Variants in NAALADL2 observed in about 807,000 individuals in gnomAD.
The protein encoded by NAALADL2 is N-acetylated alpha-linked acidic dipeptidase like 2, also known as inactive N-acetylated-alpha-linked acidic dipeptidase-like protein 2.
Under a neutral mutation model 87.2 loss-of-function variants are expected in NAALADL2, and 76 were observed. That is an observed-to-expected ratio of 0.87 (90% CI 0.72 to 1.05). The LOEUF (loss-of-function observed/expected upper bound fraction) is 1.05, where lower values mean the gene tolerates loss of function less well. Among genes scored for constraint, NAALADL2 ranks in the 50% least tolerant of loss-of-function variants. The pLI is 0.00. For synonymous variants in NAALADL2, 354 were observed against 331.0 expected, an observed-to-expected ratio of 1.07 and a Z score of -0.75; for missense variants, 1,089 against 945.8, an observed-to-expected ratio of 1.15 and a Z score of -1.99.
intron 3 of NAALADL2, among the ~76,000 whole-genome samples, chr3:174,787,899 T>C (rs1045160148): frequency 2.0e-5 from 3 of 151,748 alleles, no homozygotes; most frequent in Non-Finnish European, 4.4e-5. Flanking sequence ...ACTCCAGCTC[T>C]GAGTGACAGA....
chr3:175,785,424 C>A (rs1416308709), intron 13 of NAALADL2, among the ~76,000 whole-genome samples: 1 of 131,574 alleles, frequency 7.6e-6, no homozygotes, highest in Non-Finnish European at 1.6e-5. Flanking sequence ...ATAGTTAGCT[C>A]TTCTTGTTGA....
chr3:175,540,576 A>C (rs745918599), intron 9 of NAALADL2, among the ~76,000 whole-genome samples: 5 of 152,114 alleles, frequency 3.3e-5, no homozygotes, highest in African/African-American at 1.2e-4. Context: ...GGGTGAGGCT[A>C]TGAAGCTCTG....
intron 1 of NAALADL2, among the ~76,000 whole-genome samples, chr3:174,926,086 C>A (rs1437899416): frequency 1.3e-5 from 2 of 152,084 alleles, no homozygotes; most frequent in East Asian, 3.9e-4. Context: ...CCGATTCAAT[C>A]AAGTGGAAGA....
At chr3:174,922,034 A>G (rs1186734078) in intron 1 of NAALADL2, among the ~76,000 whole-genome samples, 1 of 152,018 alleles carries the variant, frequency 6.6e-6, no homozygotes, top group East Asian at 1.9e-4. Context: ...AATATAAACT[A>G]TTTTGGCTCA....
chr3:175,115,762 G>A (rs1042244452), intron 2 of NAALADL2, among the ~76,000 whole-genome samples: 3 of 151,514 alleles, frequency 2.0e-5, no homozygotes, highest in African/African-American at 7.3e-5. Context: ...CATCAGATGA[G>A]ATCGAGCGCA....
In NAALADL2 at chr3:175,589,464, CCT is replaced by C. The variant is rs1452058177; in HGVS notation, c.1800+13280_1800+13281del. On this transcript the variant is annotated intron_variant, in intron 10 of 13. Coordinates refer to ENST00000454872, the MANE Select transcript of NAALADL2 (RefSeq NM_207015.3). ...TCCTTTCTTCCTTCCTTTCTTCTTTCCTCTGTTTCTTCTTTTTTAAATTTCTA... is the reference window on the plus strand; with the variant it reads ...TCCTTTCTTCCTTCCTTTCTTCTTTCCTGTTTCTTCTTTTTTAAATTTCTA... Among the ~76,000 whole-genome samples the C allele has an allele frequency of 2.6e-5, 4 of 151,780 alleles. No individual in the cohort carries two copies. In the South Asian group the frequency reaches 6.3e-4, roughly 24 times the overall value.
intron 9 of NAALADL2, among the ~76,000 whole-genome samples, chr3:175,520,111 T>C (rs932624374): frequency 1.3e-5 from 2 of 152,184 alleles, no homozygotes; most frequent in Non-Finnish European, 2.9e-5. Flanking sequence ...CTAGAGATTT[T>C]ATTTGGCAAC....
intron 13 of NAALADL2, among the ~76,000 whole-genome samples, chr3:175,786,605 AT>A (rs1358917613): frequency 6.6e-6 from 1 of 151,770 alleles, no homozygotes; most frequent in African/African-American, 2.4e-5. Context: ...ATTCTTCTAA[AT>A]TTTTTTCAAA....
chr3:174,621,083 T>C (rs1720949455), intron 2 of NAALADL2, among the ~76,000 whole-genome samples: 1 of 152,022 alleles, frequency 6.6e-6, no homozygotes. Context: ...AGACATCTCA[T>C]AGAAAAATAA....
rs1308195602 is a variant in NAALADL2 at position 175,810,458 on chromosome 3, CGT to C, written c.*7258_*7259del. ...GGAAATGAAGGCACCATTTAACAAA[CGT>C]GTTCTGAATCATAATTTTCATGAGT... On this transcript the variant is annotated 3_prime_UTR_variant, in exon 14 of 14. Coordinates refer to ENST00000454872, the MANE Select transcript of NAALADL2 (RefSeq NM_207015.3). 2 of 151,878 alleles carry C rather than the reference CGT, an allele frequency of 1.3e-5. No homozygotes were observed. Among genetic ancestry groups the C allele is most frequent in the Admixed American group, 6.6e-5 (1 of 15,212 alleles). 9.4% of individuals were successfully genotyped at this position (151,878 alleles called of 1,614,324 possible). A position where few individuals can be genotyped will look rare whatever the true frequency, so the allele number is the denominator to read the frequency against.
intron 1 of NAALADL2, among the ~76,000 whole-genome samples, chr3:175,023,364 A>T (rs1018672762): frequency 3.3e-5 from 5 of 152,110 alleles, no homozygotes; most frequent in African/African-American, 4.8e-5. Flanking sequence ...CATAAATAGC[A>T]TTTATTCAAT....
intron 13 of NAALADL2, among the ~76,000 whole-genome samples, chr3:175,775,320 T>A (rs963158566): frequency 2.0e-5 from 3 of 152,096 alleles, no homozygotes; most frequent in Non-Finnish European, 4.4e-5. Context: ...TCTGTCATAC[T>A]TAATATAGAA....
chr3:175,171,559 T>A (rs567680287), intron 2 of NAALADL2, among the ~76,000 whole-genome samples: 1 of 152,274 alleles, frequency 6.6e-6, no homozygotes, highest in African/African-American at 2.4e-5. Flanking sequence ...TCATTATTTA[T>A]TCATTCTTCT....
intron 1 of NAALADL2, among the ~76,000 whole-genome samples, chr3:174,929,119 G>A (rs1044391614): frequency 2.6e-5 from 4 of 152,176 alleles, no homozygotes; most frequent in Non-Finnish European, 4.4e-5. Context: ...AGTAGTCAGC[G>A]TCACAGCATT....
chr3:175,741,238 A>T (rs1274351994), intron 12 of NAALADL2, among the ~76,000 whole-genome samples: 1 of 152,162 alleles, frequency 6.6e-6, no homozygotes, highest in Non-Finnish European at 1.5e-5. Flanking sequence ...CTGTTTGGTG[A>T]GGGTTCACTT....
intron 3 of NAALADL2, among the ~76,000 whole-genome samples, chr3:174,825,003 T>A (rs1022357903): frequency 4.6e-5 from 7 of 152,246 alleles, no homozygotes; most frequent in Admixed American, 2.0e-4. Context: ...CAGCTTTGAT[T>A]TAGACACACT....
intron 1 of NAALADL2, among the ~76,000 whole-genome samples, chr3:174,921,124 G>A (rs1355231239): frequency 6.6e-6 from 1 of 152,186 alleles, no homozygotes; most frequent in Non-Finnish European, 1.5e-5. Flanking sequence ...ACAGAGTTAT[G>A]AAATGAGCAC....
At chr3:174,447,555 C>A (rs190808384) in intron 1 of NAALADL2, among the ~76,000 whole-genome samples, 1 of 152,144 alleles carries the variant, frequency 6.6e-6, no homozygotes, top group Non-Finnish European at 1.5e-5. Flanking sequence ...AGGTGGCTAA[C>A]GCCTGTAATC....
intron 1 of NAALADL2, among the ~76,000 whole-genome samples, chr3:174,454,107 T>C (rs1014828485): frequency 2.6e-5 from 4 of 152,010 alleles, no homozygotes; most frequent in Non-Finnish European, 4.4e-5. Flanking sequence ...ACACTAATTT[T>C]AGACAAAAGA....
Sources: gnomAD v4.1 joint callset for allele counts (sites outside exome capture counted in the v4.1 genomes callset) on GRCh38, gnomAD v4.1.1 for gene constraint, MANE v1.5 for transcripts, NCBI Gene and HGNC (gene_info 2026-07-23, HGNC 2026-07-21) for gene names.